Variants in SHANK1 observed in about 807,000 individuals in gnomAD.
The protein encoded by SHANK1 is SH3 and multiple ankyrin repeat domains 1.
A neutral mutation model predicts 165.6 loss-of-function variants in SHANK1; 35 were observed. That is an observed-to-expected ratio of 0.21 (90% CI 0.16 to 0.28). The LOEUF (loss-of-function observed/expected upper bound fraction) is 0.28. Among genes scored for constraint, SHANK1 ranks in the 10% least tolerant of loss-of-function variants. The pLI, the probability that SHANK1 is intolerant of heterozygous loss-of-function variation, is 1.00. For synonymous variants in SHANK1, 1,428 were observed against 1,384.8 expected (o/e 1.03, Z -0.69); for missense variants, 2,681 against 3,036.4 (o/e 0.88, Z 2.75).
rs974563966 is a variant in SHANK1 at position 50,719,674 on chromosome 19, C to T, written c.-312G>A. 6.7e-6 allele frequency among the ~76,000 whole-genome samples: 1 copy of T among 149,216 alleles called. No homozygotes were observed. The highest frequency in any genetic ancestry group is 1.5e-5 in the Non-Finnish European group (1 of 66,688). On this transcript the variant is annotated 5_prime_UTR_variant, in exon 1 of 24. Transcript: ENST00000293441. ...CGCCCCTCCTCGCCCGCCCCCGGCT[C>T]GGTCCGGCCGGCTCCGGGCGCCGCG...
rs549304584 is a variant in SHANK1, at chr19:50,693,402, C to T, written c.1964+3694G>A. ...CCCTTGCCCCCCATCTTGGCTGCCCCTGCAGCACCCCATTCAGGCTCCCTC... is the reference window on the plus strand; with the variant it reads ...CCCTTGCCCCCCATCTTGGCTGCCCTTGCAGCACCCCATTCAGGCTCCCTC... On this transcript the variant is annotated intron_variant, in intron 15 of 23. Transcript: ENST00000293441. Among the ~76,000 whole-genome samples the T allele has an allele frequency of 3.4e-4, 52 of 151,614 alleles. 1 individual carries two copies. The highest frequency in any genetic ancestry group is 1.2e-3 in the African/African-American group (51 of 41,314).
intron 15 of SHANK1, among the ~76,000 whole-genome samples, chr19:50,696,090 G>A (rs996647524): frequency 1.3e-5 from 2 of 152,194 alleles, no homozygotes; most frequent in Non-Finnish European, 2.9e-5. Flanking sequence ...CGAGAGGCAC[G>A]GAGGAGTAGG....
In SHANK1 at chr19:50,716,409, C is replaced by T. The variant is rs752386801; in HGVS notation, c.325G>A (p.Glu109Lys). Residue 109 changes from glutamate (E) to lysine (K), a missense_variant, in exon 3 of 24, where the codon GAG becomes AAG. This residue lies in a region of SHANK1 where 189 missense variants were observed against 440.9 expected (regional missense o/e 0.43). Transcript: ENST00000293441. This position sits in a 1 kb window ranked among gnomAD's most constrained non-coding sequence, Gnocchi z 8.4. ...AKQQVLCALS[E>K]SLQDVLNYGL... ...TAGTTGAGCACATCCTGCAGGCTCTCGCTCAGGGCACAGAGCACCTGCTGC... is the reference window on the plus strand; with the variant it reads ...TAGTTGAGCACATCCTGCAGGCTCTTGCTCAGGGCACAGAGCACCTGCTGC... 19 of 1,614,092 alleles carry T rather than the reference C, an allele frequency of 1.2e-5. No homozygotes were observed. Among genetic ancestry groups the T allele is most frequent in the Admixed American group, 1.0e-4 (6 of 60,006 alleles).
intron 8 of SHANK1, among the ~76,000 whole-genome samples, chr19:50,705,333 C>T (rs996118241): frequency 1.3e-5 from 2 of 151,446 alleles, no homozygotes; most frequent in Non-Finnish European, 2.9e-5. Flanking sequence ...CAGAGTGAGA[C>T]TCTGTCTCAA....
chr19:50,675,728 G>A (rs546811493), intron 21 of SHANK1, among the ~76,000 whole-genome samples: 48 of 152,244 alleles, frequency 3.2e-4, no homozygotes, highest in African/African-American at 8.7e-4. Context: ...GGTGCCAGGC[G>A]CGGTGGCTCA....
rs567977286 is a variant in SHANK1, at chr19:50,662,248, G to C, written c.6203C>G (p.Ala2068Gly). Residue 2068 changes from alanine (A) to glycine (G), a missense_variant, in exon 24 of 24, where the codon GCC (alanine) becomes GGC (glycine). This residue lies in a region of SHANK1 where 1,713 missense variants were observed against 1,630.2 expected (regional missense o/e 1.05). Transcript: ENST00000293441. This position sits in a 1 kb window ranked among gnomAD's most constrained non-coding sequence, Gnocchi z 7.7. Reference sequence around the variant, plus strand: ...GAGGGAGCGCGAGGCCCCTGACAAGGCTCCCCCGAGCCCCCCGGATATCCC... The same window carrying C: ...GAGGGAGCGCGAGGCCCCTGACAAGCCTCCCCCGAGCCCCCCGGATATCCC... Reference protein sequence around the residue: ...HPGISGGLGGALSGASRSLSP... With the variant: ...HPGISGGLGGGLSGASRSLSP... 6.9e-5 allele frequency: 111 copies of C among 1,610,602 alleles called. 1 individual carries two copies. In the East Asian group the frequency reaches 1.9e-3, roughly 28 times the overall value.
In SHANK1 at chr19:50,669,822, G is replaced by T. The variant is rs117910755; in HGVS notation, c.2675-537C>A. 5.6e-3 allele frequency among the ~76,000 whole-genome samples: 847 copies of T among 152,138 alleles called. 3 individuals carry two copies. The highest frequency in any genetic ancestry group is 0.014 in the Middle Eastern group (4 of 292). ...GCGAGCCAGGTGGACCCCACACTCA[G>T]TGGGAGTGTAAGACTCACACTGGTG... On this transcript the variant is annotated intron_variant, in intron 22 of 23. Coordinates refer to ENST00000293441, the MANE Select transcript of SHANK1 (RefSeq NM_016148.5).
chr19:50,662,328 T>G lies in SHANK1; in HGVS notation c.6123A>C (p.Gly2041=), dbSNP rs775535725. The G allele has an allele frequency of 6.2e-7, 1 of 1,606,084 alleles. No individual in the cohort carries two copies. Among genetic ancestry groups the G allele is most frequent in the East Asian group, 2.2e-5 (1 of 44,614 alleles). The change falls in exon 24 of 24, where the codon GGA becomes GGC. Residue 2041 remains glycine, a synonymous_variant. Transcript: ENST00000293441. The surrounding 1 kb of genome is among the most constrained non-coding windows in gnomAD (Gnocchi z 7.7). ...GLFDIRGSPT[G]GAGGSADPFA... is the part of the protein sequence containing the mutation. ...AGGGGTCAGCCGAGCCTCCTGCCCCTCCAGTTGGGGAGCCACGGATGTCAA... is the reference window on the plus strand; with the variant it reads ...AGGGGTCAGCCGAGCCTCCTGCCCCGCCAGTTGGGGAGCCACGGATGTCAA...
Position 50,662,131 on chromosome 19 carries a change from A to G in SHANK1, c.6320T>C (p.Leu2107Pro). Residue 2107 changes from leucine to proline, a missense_variant, in exon 24 of 24, where the codon CTG (leucine) becomes CCG (proline). Coordinates refer to ENST00000293441, the MANE Select transcript of SHANK1 (RefSeq NM_016148.5). The surrounding 1 kb of genome is among the most constrained non-coding windows in gnomAD (Gnocchi z 7.7). ...GTGCTCCGCCAAACCCAGCCACTCCAGCCAATCAGCCACGTCGAACTTGGT... is the reference window on the plus strand; with the variant it reads ...GTGCTCCGCCAAACCCAGCCACTCCGGCCAATCAGCCACGTCGAACTTGGT... ...FWTKFDVADW[L>P]EWLGLAEHRA... The G allele has an allele frequency of 6.2e-7, 1 of 1,613,750 alleles. No homozygotes were observed. Among genetic ancestry groups the G allele is most frequent in the Non-Finnish European group, 8.5e-7 (1 of 1,179,672 alleles).
chr19:50,674,363 C>G (rs1599845507), intron 21 of SHANK1, among the ~76,000 whole-genome samples: 1 of 152,070 alleles, frequency 6.6e-6, no homozygotes, highest in East Asian at 1.9e-4. Context: ...ACCAGAAGTG[C>G]AGAGAAAGGG....
Position 50,711,124 on chromosome 19 carries a change from C to T in SHANK1, c.1077+247G>A, listed in dbSNP as rs145213556. ...GCCCTCTGCTAGGCCATGAGCTCAA[C>T]ACTTTGTCCCCAGCACCCAGCTCCA... is the stretch of plus-strand genomic sequence containing the variant. On this transcript the variant is annotated intron_variant, in intron 8 of 23. Coordinates refer to ENST00000293441, the MANE Select transcript of SHANK1 (RefSeq NM_016148.5). The T allele has an allele frequency of 4.9e-3, 2,511 of 509,012 alleles. 124 individuals carry two copies. The Admixed American group carries it at 0.075, about 15-fold the overall frequency. The allele number at this position is 509,012 out of a possible 1,614,324, so 31.5% of individuals were successfully genotyped here. A position where few individuals can be genotyped will look rare whatever the true frequency, so the allele number is the denominator to read the frequency against.
rs1439729564 is a variant in SHANK1 at position 50,686,254 on chromosome 19, C to T, written c.2560G>A (p.Gly854Ser). ...CCGCCTACCTCAGTGGCAAAGAAAC[C>T]TTTGGGTCGGTGTTTGCCCAGGGAC... Reference protein sequence around the residue: ...LASLGKHRPKGFFATESSFDP... With the variant: ...LASLGKHRPKSFFATESSFDP... Residue 854 changes from glycine to serine, a missense_variant, in exon 21 of 24, where the codon GGT (glycine) becomes AGT (serine). By Grantham distance (56) the Gly-to-Ser change is moderately conservative. Transcript: ENST00000293441. This position sits in a 1 kb window ranked among gnomAD's most constrained non-coding sequence, Gnocchi z 5.7. The T allele has an allele frequency of 6.2e-7, 1 of 1,602,736 alleles. No homozygotes were observed. Among genetic ancestry groups the T allele is most frequent in the African/African-American group, 1.3e-5 (1 of 74,444 alleles).
Position 50,711,357 on chromosome 19 carries a change from G to A in SHANK1, c.1077+14C>T, listed in dbSNP as rs767117066. The A allele has an allele frequency of 9.1e-6, 14 of 1,542,880 alleles. No individual in the cohort carries two copies. The highest frequency in any genetic ancestry group is 3.6e-5 in the South Asian group (3 of 83,932). On this transcript the variant is annotated intron_variant, in intron 8 of 23. Coordinates refer to ENST00000293441, the MANE Select transcript of SHANK1 (RefSeq NM_016148.5). Reference sequence around the variant, plus strand: ...GGGATGTGAGGGGCCTGGGGTGGCCGCTGCTAGGCAGACCTTGTTGTAGAG... The same window carrying A: ...GGGATGTGAGGGGCCTGGGGTGGCCACTGCTAGGCAGACCTTGTTGTAGAG...
intron 21 of SHANK1, among the ~76,000 whole-genome samples, chr19:50,679,101 C>G (rs1986083962): frequency 7.1e-5 from 2 of 28,362 alleles, no homozygotes; most frequent in African/African-American, 1.7e-4. Context: ...GGGGAGGGGT[C>G]AGGGTGTGGG....
Position 50,717,725 on chromosome 19 carries a change from G to A in SHANK1, c.-43-763C>T, listed in dbSNP as rs1274237180. Among the ~76,000 whole-genome samples the A allele has an allele frequency of 6.6e-6, 1 of 152,086 alleles. No homozygotes were observed. Among genetic ancestry groups the A allele is most frequent in the East Asian group, 1.9e-4 (1 of 5,182 alleles). On this transcript the variant is annotated intron_variant, in intron 1 of 23. Transcript: ENST00000293441. The surrounding 1 kb of genome is among the most constrained non-coding windows in gnomAD (Gnocchi z 5.5). ...CCTGGGGAGTGCTGTCCAGGTGACAGTGGTGTGGTGGCCCGGGTAGATGTG... is the reference window on the plus strand; with the variant it reads ...CCTGGGGAGTGCTGTCCAGGTGACAATGGTGTGGTGGCCCGGGTAGATGTG...
At chr19:50,663,487 A>G (rs1273573815) in intron 23 of SHANK1, among the ~76,000 whole-genome samples, 1 of 152,052 alleles carries the variant, frequency 6.6e-6, no homozygotes. Flanking sequence ...TGCCTGTTAC[A>G]TGAGAGACCT....
chr19:50,696,743 C>T (rs764245092), intron 15 of SHANK1, among the ~76,000 whole-genome samples: 13 of 152,034 alleles, frequency 8.6e-5, no homozygotes, highest in Non-Finnish European at 1.5e-4. Context: ...CAGAGAGGGA[C>T]GGATGTGTGC....
chr19:50,716,552 C>T lies in SHANK1; in HGVS notation c.256-74G>A. 6.3e-7 allele frequency: 1 copy of T among 1,580,018 alleles called. No individual in the cohort carries two copies. Among genetic ancestry groups the T allele is most frequent in the Non-Finnish European group, 8.6e-7 (1 of 1,158,122 alleles). On this transcript the variant is annotated intron_variant, in intron 2 of 23. Transcript: ENST00000293441. This position sits in a 1 kb window ranked among gnomAD's most constrained non-coding sequence, Gnocchi z 8.4. ...AGCCTGAGGTGGGTTGGGAAGTGAG[C>T]CAGGAGCTGAGTGTGGGGGTGATTC...
In SHANK1 at chr19:50,666,875, G is replaced by T; in HGVS notation, c.5085C>A (p.Ser1695=). Residue 1695 remains serine (S), a synonymous_variant, in exon 23 of 24, where the codon TCC becomes TCA. Coordinates refer to ENST00000293441, the MANE Select transcript of SHANK1 (RefSeq NM_016148.5). ...CTTCGGCAGATAGGCTGCTCAGCGT[G>T]GAGGCGCTGCTGATGGTCTCCAGTG... The part of the protein sequence containing the change: ...DHPLETISSA[S]TLSSLSAEGG... 6.3e-7 allele frequency: 1 copy of T among 1,580,682 alleles called. No homozygotes were observed.
Sources: gnomAD v4.1 joint callset for allele counts (sites outside exome capture counted in the v4.1 genomes callset) on GRCh38, gnomAD v4.1.1 for gene constraint, gnomAD v4.1.1 regional missense constraint, Gnocchi (gnomAD v3.1) non-coding constraint, MANE v1.5 for transcripts, NCBI Gene and HGNC (gene_info 2026-07-23, HGNC 2026-07-21) for gene names.